The following MGAT4A variants were observed in gnomAD, a reference collection of about 807,000 sequenced individuals.
MGAT4A encodes the protein N-acetylglucosaminyltransferase IVa.
Under a neutral mutation model 74.1 loss-of-function variants are expected in MGAT4A, and 33 were observed. The observed-to-expected ratio is 0.45, with a 90% CI of 0.34 to 0.60. MGAT4A has a LOEUF of 0.60. Among genes scored for constraint, MGAT4A ranks in the 20% least tolerant of loss-of-function variants. MGAT4A has a pLI of 0.02. For synonymous variants in MGAT4A, 198 were observed against 210.4 expected (o/e 0.94, Z 0.51); for missense variants, 479 against 628.3 (o/e 0.76, Z 2.54).
At chr2:98,629,126 A>C (rs1701188527) in intron 14 of MGAT4A, among the ~76,000 whole-genome samples, 1 of 152,234 alleles carries the variant, frequency 6.6e-6, no homozygotes, top group African/African-American at 2.4e-5. Flanking sequence ...TAGATCACAG[A>C]CTATTCAAAA....
At chr2:98,678,540 C>A (rs17021875) in intron 2 of MGAT4A, 69 bp from the exon 3 acceptor site, 155,593 of 1,050,338 alleles carry the variant, frequency 0.15, 12,707 homozygotes, top group African/African-American at 0.25. Flanking sequence ...CTCAATGGAA[C>A]TGTAAAATTA....
At chr2:98,699,410 C>T (rs903401568) in intron 2 of MGAT4A, among the ~76,000 whole-genome samples, 5 of 152,110 alleles carry the variant, frequency 3.3e-5, no homozygotes, top group African/African-American at 7.2e-5. Context: ...AGAGGCCAGC[C>T]GAGGACCAGC....
intron 5 of MGAT4A, among the ~76,000 whole-genome samples, chr2:98,659,152 G>T (rs905946717): frequency 5.3e-5 from 8 of 152,154 alleles, no homozygotes; most frequent in Admixed American, 1.3e-4. Flanking sequence ...GCTCCCAGGG[G>T]TCTAACAGAG....
chr2:98,693,783 G>T (rs914499012), intron 2 of MGAT4A, among the ~76,000 whole-genome samples: 1 of 151,908 alleles, frequency 6.6e-6, no homozygotes, highest in African/African-American at 2.4e-5. Context: ...GTAGACCACG[G>T]TAAGTTATAT....
chr2:98,634,735 C>T (rs1215195684), intron 14 of MGAT4A, among the ~76,000 whole-genome samples: 1 of 148,138 alleles, frequency 6.8e-6, no homozygotes, highest in East Asian at 2.0e-4. Context: ...TAGGCTTAGG[C>T]AACTAGATGG....
intron 2 of MGAT4A, among the ~76,000 whole-genome samples, chr2:98,708,196 G>A (rs914895251): frequency 2.0e-5 from 3 of 151,696 alleles, no homozygotes; most frequent in Non-Finnish European, 4.4e-5. Flanking sequence ...TCGAACTCCT[G>A]GTCTTATGGG....
chr2:98,695,690 T>C (rs1310964205), intron 2 of MGAT4A, among the ~76,000 whole-genome samples: 2 of 152,178 alleles, frequency 1.3e-5, no homozygotes, highest in African/African-American at 2.4e-5. Flanking sequence ...GGTGTGCAGT[T>C]ACTGCTGTAG....
At chr2:98,702,485 G>A (rs921091570) in intron 2 of MGAT4A, among the ~76,000 whole-genome samples, 4 of 152,214 alleles carry the variant, frequency 2.6e-5, no homozygotes, top group Non-Finnish European at 5.9e-5. Flanking sequence ...TGGACTGGAG[G>A]CTCTGAGCAT....
chr2:98,696,347 C>T (rs1320753940), intron 2 of MGAT4A, among the ~76,000 whole-genome samples: 2 of 152,210 alleles, frequency 1.3e-5, no homozygotes, highest in Non-Finnish European at 2.9e-5. Flanking sequence ...ATTTGAAATG[C>T]CTCTTATATC....
chr2:98,673,578 T>C (rs767074620), intron 4 of MGAT4A, among the ~76,000 whole-genome samples: 2 of 152,172 alleles, frequency 1.3e-5, no homozygotes, highest in East Asian at 1.9e-4. Context: ...ATGTTAACTA[T>C]TGGAAAGCTG....
At chr2:98,665,381 C>T (rs1163251870) in intron 4 of MGAT4A, among the ~76,000 whole-genome samples, 3 of 149,284 alleles carry the variant, frequency 2.0e-5, no homozygotes, top group Non-Finnish European at 4.4e-5. Context: ...AGCGTAAAGA[C>T]CATGGATCTA....
intron 2 of MGAT4A, among the ~76,000 whole-genome samples, chr2:98,723,575 C>G (rs1702716081): frequency 6.6e-6 from 1 of 152,138 alleles, no homozygotes; most frequent in Admixed American, 6.6e-5. Flanking sequence ...ATACAAGAAC[C>G]TTGCAGTACT....
chr2:98,668,083 A>C (rs55859362), intron 4 of MGAT4A, among the ~76,000 whole-genome samples: 1 of 152,072 alleles, frequency 6.6e-6, no homozygotes, highest in South Asian at 2.1e-4. Context: ...CAATGTGATA[A>C]AAAAGAAAAT....
rs1005488057 is a variant in MGAT4A at position 98,619,316 on chromosome 2, C to A, written c.*6250G>T. The A allele has an allele frequency of 1.3e-5, 2 of 152,294 alleles. No individual in the cohort carries two copies. The highest frequency in any genetic ancestry group is 2.4e-5 in the African/African-American group (1 of 41,336). 9.4% of individuals were successfully genotyped at this position (152,294 alleles called of 1,614,324 possible). On this transcript the variant is annotated 3_prime_UTR_variant, in exon 16 of 16. Coordinates refer to ENST00000393487, the MANE Select transcript of MGAT4A (RefSeq NM_012214.3). ...AATCCAACAAGTACCTAAAATATTA[C>A]TACGGATAGGAATCATTCAGCCAAT... is the stretch of plus-strand genomic sequence containing the variant.
In MGAT4A at chr2:98,622,809, C is replaced by T; in HGVS notation, c.*2757G>A. On this transcript the variant is annotated 3_prime_UTR_variant, in exon 16 of 16. Transcript: ENST00000393487. ...ACACAAACAATCAAAAACTAGACAACCGATTGTGTATGCAAGAGTATGGCA... is the reference window on the plus strand; with the variant it reads ...ACACAAACAATCAAAAACTAGACAATCGATTGTGTATGCAAGAGTATGGCA... 1.0e-6 allele frequency: 1 copy of T among 985,544 alleles called. No homozygotes were observed. Among genetic ancestry groups the T allele is most frequent in the South Asian group, 4.7e-5 (1 of 21,292 alleles). 61.0% of individuals were successfully genotyped at this position (985,544 alleles called of 1,614,324 possible).
At chr2:98,633,120 C>T (rs1701267000) in intron 14 of MGAT4A, among the ~76,000 whole-genome samples, 2 of 152,212 alleles carry the variant, frequency 1.3e-5, no homozygotes, top group Admixed American at 1.3e-4. Flanking sequence ...GCTAGGACAT[C>T]GGTGATCAGG....
At chr2:98,704,570 G>A (rs1379461073) in intron 2 of MGAT4A, among the ~76,000 whole-genome samples, 1 of 151,882 alleles carries the variant, frequency 6.6e-6, no homozygotes, top group East Asian at 1.9e-4. Flanking sequence ...ATCATACCAC[G>A]GTCCTCCAGC....
intron 4 of MGAT4A, among the ~76,000 whole-genome samples, chr2:98,664,297 A>G (rs1701794808): frequency 6.6e-6 from 1 of 151,506 alleles, no homozygotes; most frequent in South Asian, 2.1e-4. Context: ...ATGTTCCTAT[A>G]ATGCTTGTTT....
chr2:98,633,996 G>A (rs1452114409), intron 14 of MGAT4A, among the ~76,000 whole-genome samples: 1 of 152,176 alleles, frequency 6.6e-6, no homozygotes, highest in Non-Finnish European at 1.5e-5. Context: ...AGGTAAAACT[G>A]TTCTAGAAAG....
Sources: allele counts gnomAD v4.1 joint callset (sites outside exome capture counted in the v4.1 genomes callset), GRCh38; gene constraint gnomAD v4.1.1; transcripts MANE v1.5; gene names NCBI Gene and HGNC (gene_info 2026-07-23, HGNC 2026-07-21).